PTPRS: variants seen among roughly 807,000 people sequenced by gnomAD.
The protein encoded by PTPRS is receptor-type tyrosine-protein phosphatase S.
PTPRS carries 63 observed loss-of-function variants against 215.3 expected under a neutral mutation model. That is an observed-to-expected ratio of 0.29 (90% CI 0.24 to 0.36). PTPRS has a LOEUF of 0.36. PTPRS is among the 10% of genes least tolerant of loss of function. The pLI is 1.00. For synonymous variants in PTPRS, 1,404 were observed against 1,191.4 expected (o/e 1.18, Z -3.68); for missense variants, 2,258 against 2,825.8 (o/e 0.80, Z 4.56).
intron 19 of PTPRS, 68 bp from the exon 20 acceptor site, chr19:5,221,321 G>A: frequency 6.5e-7 from 1 of 1,548,980 alleles, no homozygotes; most frequent in Non-Finnish European, 8.7e-7. Flanking sequence ...CCAGCTCCAG[G>A]ATGAGTCCCC....
In PTPRS at chr19:5,237,669, C is replaced by A. The variant is rs376170903; in HGVS notation, c.1849+1250G>T. ...ACGCGGGGTGGGCCGTTTTTGTGAA[C>A]CTGCTTGAGACCAGCGTGTACTCAC... On this transcript the variant is annotated intron_variant, in intron 13 of 37. Coordinates refer to ENST00000262963, the MANE Select transcript of PTPRS (RefSeq NM_002850.4). This position sits in a 1 kb window ranked among gnomAD's most constrained non-coding sequence, Gnocchi z 4.2. Among the ~76,000 whole-genome samples the A allele has an allele frequency of 6.6e-6, 1 of 152,222 alleles. No individual in the cohort carries two copies. The highest frequency in any genetic ancestry group is 6.5e-5 in the Admixed American group (1 of 15,298).
intron 1 of PTPRS, among the ~76,000 whole-genome samples, chr19:5,324,050 T>C (rs2050102811): frequency 6.6e-6 from 1 of 151,334 alleles, no homozygotes; most frequent in Admixed American, 6.6e-5. Context: ...GCCAACATGG[T>C]GAAACCCCAT....
In PTPRS at chr19:5,294,382, C is replaced by T. The variant is rs1228885333; in HGVS notation, c.-94-8148G>A. The T allele has an allele frequency of 6.6e-6, 1 of 152,320 alleles. No homozygotes were observed. Among genetic ancestry groups the T allele is most frequent in the Non-Finnish European group, 1.5e-5 (1 of 68,150 alleles). The allele number at this position is 152,320 out of a possible 1,614,324, so 9.4% of individuals were successfully genotyped here. A position where few individuals can be genotyped will look rare whatever the true frequency, so the allele number is the denominator to read the frequency against. Reference sequence around the variant, plus strand: ...TCCAGAGGAGGAGCTCTCACCACAGCGCTGCTGGAGGCCTGGGGCCCCCGG... The same window carrying T: ...TCCAGAGGAGGAGCTCTCACCACAGTGCTGCTGGAGGCCTGGGGCCCCCGG... On this transcript the variant is annotated intron_variant, in intron 1 of 37. Transcript: ENST00000262963. This position sits in a 1 kb window ranked among gnomAD's most constrained non-coding sequence, Gnocchi z 5.1.
chr19:5,305,009 T>C (rs986524996), intron 1 of PTPRS, among the ~76,000 whole-genome samples: 3 of 151,928 alleles, frequency 2.0e-5, no homozygotes, highest in African/African-American at 7.3e-5. Flanking sequence ...GGTGGGGGCA[T>C]GACCTCTCTA....
chr19:5,314,725 C>G (rs1198696432), intron 1 of PTPRS, among the ~76,000 whole-genome samples: 2 of 152,146 alleles, frequency 1.3e-5, no homozygotes, highest in African/African-American at 4.8e-5. Context: ...CTCCACCTTT[C>G]AAGTCCACTT....
chr19:5,295,533 C>T lies in PTPRS; in HGVS notation c.-94-9299G>A, dbSNP rs934478527. Among the ~76,000 whole-genome samples, 3 of 152,142 alleles carry T rather than the reference C, an allele frequency of 2.0e-5. No homozygotes were observed. Among genetic ancestry groups the T allele is most frequent in the African/African-American group, 7.2e-5 (3 of 41,440 alleles). ...ACATGCGCCTAGTCCCCGGGTCTGC[C>T]TCTCCCACCAGACTGTGACCTCAGG... is the stretch of plus-strand genomic sequence containing the variant. On this transcript the variant is annotated intron_variant, in intron 1 of 37. Transcript: ENST00000262963. This position sits in a 1 kb window ranked among gnomAD's most constrained non-coding sequence, Gnocchi z 4.6.
In PTPRS at chr19:5,246,037, C is replaced by T. The variant is rs781664688; in HGVS notation, c.727G>A (p.Val243Met). Residue 243 changes from valine to methionine, a missense_variant, in exon 10 of 38, where the codon GTG (valine) becomes ATG (methionine). Physicochemically the swap from Val to Met is conservative, Grantham distance 21. Transcript: ENST00000262963. Reference protein sequence around the residue: ...YVRELREVRRVAPRFSILPMS... With the variant: ...YVRELREVRRMAPRFSILPMS... ...GGCAGGATGGAGAAGCGCGGGGCCA[C>T]GCGGCGGACTGGGGAGGGGGCGGCA... is the stretch of plus-strand genomic sequence containing the variant. The T allele has an allele frequency of 8.9e-6, 12 of 1,343,056 alleles. No homozygotes were observed. Among genetic ancestry groups the T allele is most frequent in the African/African-American group, 4.5e-5 (3 of 66,202 alleles). The allele number at this position is 1,343,056 out of a possible 1,614,324, so 83.2% of individuals were successfully genotyped here. A position where few individuals can be genotyped will look rare whatever the true frequency, so the allele number is the denominator to read the frequency against.
intron 28 of PTPRS, 65 bp from the exon 29 acceptor site, chr19:5,214,801 C>T: frequency 1.3e-6 from 2 of 1,490,556 alleles, no homozygotes; most frequent in Non-Finnish European, 1.8e-6. Flanking sequence ...TCTGTGTGGC[C>T]AACCACTTCC....
At position 5,233,946 on chromosome 19, in the gene PTPRS, CAAAAAAAAAAAAAAA is replaced by C. The variant is rs57529862; in HGVS notation, c.1850-2346_1850-2332del. 1.7e-3 allele frequency among the ~76,000 whole-genome samples: 46 copies of C among 27,772 alleles called. 1 individual carries two copies. Among genetic ancestry groups the C allele is most frequent in the South Asian group, 8.8e-3 (2 of 228 alleles). 18.2% of individuals were successfully genotyped at this position (27,772 alleles called of 152,430 possible). On this transcript the variant is annotated intron_variant, in intron 13 of 37. Transcript: ENST00000262963. ...GGGCAACAGGGCAAGACTCCATCTC[CAAAAAAAAAAAAAAA>C]AAAAAAAAAAAAAAAATCTATATGT...
chr19:5,321,573 C>T (rs558944177), intron 1 of PTPRS, among the ~76,000 whole-genome samples: 133 of 152,314 alleles, frequency 8.7e-4, no homozygotes, highest in Middle Eastern at 3.4e-3. Flanking sequence ...GAGTTTGGCT[C>T]GTGCCTCGTG....
chr19:5,213,542 C>A (rs1200177670), intron 30 of PTPRS, among the ~76,000 whole-genome samples: 1 of 152,236 alleles, frequency 6.6e-6, no homozygotes, highest in Non-Finnish European at 1.5e-5. Flanking sequence ...TGGTCTGTGT[C>A]TTGTCTACTA....
Position 5,339,758 on chromosome 19 carries a change from CT to C in PTPRS, c.-95+905del, listed in dbSNP as rs1346919390. Among the ~76,000 whole-genome samples, 11 of 151,832 alleles carry C rather than the reference CT, an allele frequency of 7.2e-5. No individual in the cohort carries two copies. The highest frequency in any genetic ancestry group is 2.7e-4 in the African/African-American group (11 of 41,364). The stretch of plus-strand genomic sequence containing the variant: ...CGCCCCCGGTATGACGTCACCTCCC[CT>C]CCCCCCGCAGCCCCCGGGGGCTCCC... On this transcript the variant is annotated intron_variant, in intron 1 of 37. Transcript: ENST00000262963. This position sits in a 1 kb window ranked among gnomAD's most constrained non-coding sequence, Gnocchi z 4.2.
Position 5,287,964 on chromosome 19 carries a change from G to GCACACACACACA in PTPRS, c.-94-1742_-94-1731dup, listed in dbSNP as rs3042434. On this transcript the variant is annotated intron_variant, in intron 1 of 37. Transcript: ENST00000262963. This position sits in a 1 kb window ranked among gnomAD's most constrained non-coding sequence, Gnocchi z 4.8. ...TCACACAGTCAGGCAGCAGAGACGG[G>GCACACACACACA]CACACACACACACACACACACACAC... is the stretch of plus-strand genomic sequence containing the variant. Among the ~76,000 whole-genome samples the GCACACACACACA allele has an allele frequency of 5.3e-5, 7 of 133,262 alleles. No homozygotes were observed. The highest frequency in any genetic ancestry group is 1.7e-4 in the African/African-American group (6 of 35,530). The allele number at this position is 133,262 out of a possible 152,430, so 87.4% of individuals were successfully genotyped here. A position where few individuals can be genotyped will look rare whatever the true frequency, so the allele number is the denominator to read the frequency against.
intron 16 of PTPRS, among the ~76,000 whole-genome samples, 161 bp from the exon 17 acceptor site, chr19:5,226,005 C>T (rs995389451): frequency 3.3e-5 from 5 of 152,032 alleles, no homozygotes; most frequent in African/African-American, 4.8e-5. Context: ...GTGGCATGGC[C>T]ATGCTCAGAG....
chr19:5,266,080 G>A (rs1045167724), intron 4 of PTPRS, among the ~76,000 whole-genome samples: 1 of 151,914 alleles, frequency 6.6e-6, no homozygotes, highest in African/African-American at 2.4e-5. Flanking sequence ...GGCCCACATG[G>A]TGAAACACTG....
chr19:5,295,169 G>A lies in PTPRS; in HGVS notation c.-94-8935C>T, dbSNP rs774678291. 9.2e-5 allele frequency among the ~76,000 whole-genome samples: 14 copies of A among 152,198 alleles called. No individual in the cohort carries two copies. The highest frequency in any genetic ancestry group is 1.9e-4 in the Non-Finnish European group (13 of 68,024). On this transcript the variant is annotated intron_variant, in intron 1 of 37. Coordinates refer to ENST00000262963, the MANE Select transcript of PTPRS (RefSeq NM_002850.4). This position sits in a 1 kb window ranked among gnomAD's most constrained non-coding sequence, Gnocchi z 4.6. ...TGTCAAGAAAGCACCCGTACCTCTCGGGCCGACAGTTTCCCCATCTGCCAC... is the reference window on the plus strand; with the variant it reads ...TGTCAAGAAAGCACCCGTACCTCTCAGGCCGACAGTTTCCCCATCTGCCAC...
intron 29 of PTPRS, 33 bp from the exon 30 acceptor site, chr19:5,214,513 G>T: frequency 1.2e-6 from 2 of 1,613,368 alleles, no homozygotes; most frequent in Non-Finnish European, 8.5e-7. Context: ...TGTCAGCAGG[G>T]ACAGGCTGAC....
At chr19:5,223,976 C>T (rs914520035) in intron 17 of PTPRS, among the ~76,000 whole-genome samples, 98 of 151,668 alleles carry the variant, frequency 6.5e-4, no homozygotes, top group Admixed American at 2.4e-3. Flanking sequence ...GTCAGGAGTT[C>T]GAGACCAGCC....
chr19:5,238,456 G>A (rs2043680058), intron 13 of PTPRS, among the ~76,000 whole-genome samples: 2 of 152,168 alleles, frequency 1.3e-5, no homozygotes, highest in Admixed American at 6.5e-5. Context: ...GAAGACCGAC[G>A]GGGAAGGTGG....
Sources: allele counts gnomAD v4.1 joint callset (sites outside exome capture counted in the v4.1 genomes callset), GRCh38; gene constraint gnomAD v4.1.1; non-coding constraint Gnocchi (gnomAD v3.1); transcripts MANE v1.5; gene names NCBI Gene and HGNC (gene_info 2026-07-23, HGNC 2026-07-21).